The following FAM13A variants were observed in gnomAD, a reference collection of about 807,000 sequenced individuals.
FAM13A encodes protein FAM13A.
A neutral mutation model predicts 129.6 loss-of-function variants in FAM13A; 76 were observed. The observed-to-expected ratio is 0.59, with a 90% CI of 0.49 to 0.71. FAM13A has a LOEUF of 0.71. FAM13A is among the 30% of genes least tolerant of loss of function. The pLI is 0.00. For missense variants in FAM13A, 1,108 were observed against 1,249.3 expected (o/e 0.89, Z 1.70); for synonymous variants, 443 against 449.9 (o/e 0.98, Z 0.20).
At chr4:88,971,690 T>G (rs1387147109) in intron 4 of FAM13A, among the ~76,000 whole-genome samples, 1 of 152,078 alleles carries the variant, frequency 6.6e-6, no homozygotes, top group Non-Finnish European at 1.5e-5. Flanking sequence ...TTCTTTACTT[T>G]TAAGAGACAG....
At chr4:88,960,022 G>C (rs751161147) in intron 4 of FAM13A, among the ~76,000 whole-genome samples, 1 of 152,170 alleles carries the variant, frequency 6.6e-6, no homozygotes, top group Non-Finnish European at 1.5e-5. Context: ...CTTTGAGAAT[G>C]ACTTTTCAAA....
intron 6 of FAM13A, among the ~76,000 whole-genome samples, chr4:88,871,806 T>TA (rs1227881960): frequency 2.6e-5 from 4 of 152,104 alleles, no homozygotes; most frequent in Admixed American, 2.6e-4. Context: ...ACCACAAAGA[T>TA]ACTCCTCAAG....
chr4:88,984,166 C>A (rs1245981886), intron 4 of FAM13A, among the ~76,000 whole-genome samples: 1 of 152,098 alleles, frequency 6.6e-6, no homozygotes, highest in Admixed American at 6.6e-5. Context: ...GCTCCATAGA[C>A]CTAAACATAA....
chr4:88,991,648 T>A (rs1280630445), intron 3 of FAM13A, among the ~76,000 whole-genome samples: 1 of 152,208 alleles, frequency 6.6e-6, no homozygotes, highest in Non-Finnish European at 1.5e-5. Flanking sequence ...AGGATTCTTT[T>A]GAATAAAATT....
chr4:88,883,256 C>T (rs745638904), intron 6 of FAM13A, among the ~76,000 whole-genome samples: 66 of 151,828 alleles, frequency 4.3e-4, no homozygotes, highest in African/African-American at 1.3e-3. Context: ...ATAGACCACA[C>T]GATAAGCCAC....
intron 19 of FAM13A, among the ~76,000 whole-genome samples, chr4:88,742,036 G>A (rs879592385): frequency 2.8e-4 from 42 of 152,188 alleles, no homozygotes; most frequent in Non-Finnish European, 5.4e-4. Context: ...ATGTCAGCAC[G>A]TGACACATGG....
intron 3 of FAM13A, among the ~76,000 whole-genome samples, chr4:89,019,366 AAAAATAATAAAAT>A (rs1766939946): frequency 6.6e-6 from 1 of 152,164 alleles, no homozygotes; most frequent in African/African-American, 2.4e-5. Context: ...CTAATTTGGG[AAAAATAATAAAAT>A]AAATGGTTTT....
intron 4 of FAM13A, among the ~76,000 whole-genome samples, chr4:88,954,334 CAA>C (rs770164069): frequency 1.3e-5 from 2 of 152,120 alleles, no homozygotes; most frequent in Admixed American, 6.5e-5. Flanking sequence ...TGCTACTGTC[CAA>C]AAAGAGTTAG....
chr4:88,801,607 T>C (rs1727464826), intron 8 of FAM13A, among the ~76,000 whole-genome samples: 1 of 152,202 alleles, frequency 6.6e-6, no homozygotes, highest in Non-Finnish European at 1.5e-5. Context: ...AAGTTTCAGA[T>C]GCCAGGTGAG....
intron 10 of FAM13A, among the ~76,000 whole-genome samples, chr4:88,786,110 G>A (rs1209710446): frequency 6.6e-6 from 1 of 152,112 alleles, no homozygotes; most frequent in Admixed American, 6.6e-5. Flanking sequence ...AAATTCTTCA[G>A]GAGAGGTGAG....
rs1578954794 is a variant in FAM13A at position 88,851,203 on chromosome 4, G to A, written c.844-20C>T. 6.5e-7 allele frequency: 1 copy of A among 1,538,238 alleles called. No homozygotes were observed. The highest frequency in any genetic ancestry group is 8.8e-7 in the Non-Finnish European group (1 of 1,135,826). ...TGGGATCTAGAAGAAAAAAAAAAGA[G>A]GGGTGGGGGAGAGCTAGATAAATGT... On this transcript the variant is annotated intron_variant, in intron 6 of 23. Transcript: ENST00000264344.
chr4:88,901,448 C>T (rs1343039955), intron 6 of FAM13A, among the ~76,000 whole-genome samples: 1 of 152,088 alleles, frequency 6.6e-6, no homozygotes, highest in African/African-American at 2.4e-5. Flanking sequence ...TCTTTCAGAC[C>T]ACAGTGCAAT....
chr4:88,955,496 G>A (rs781016596), intron 4 of FAM13A, among the ~76,000 whole-genome samples: 19 of 152,118 alleles, frequency 1.2e-4, no homozygotes, highest in Non-Finnish European at 1.5e-4. Context: ...ACCGGGTAGT[G>A]GAGCGCTGCT....
intron 5 of FAM13A, among the ~76,000 whole-genome samples, chr4:88,930,399 C>T (rs1445181392): frequency 6.6e-6 from 1 of 152,038 alleles, no homozygotes; most frequent in East Asian, 1.9e-4. Flanking sequence ...CATACTTTGG[C>T]TTTGATTTTG....
intron 14 of FAM13A, among the ~76,000 whole-genome samples, chr4:88,757,428 T>C (rs952627881): frequency 5.3e-5 from 8 of 152,164 alleles, no homozygotes; most frequent in Non-Finnish European, 7.3e-5. Flanking sequence ...GTGACTACTA[T>C]GGGACTTTTT....
intron 8 of FAM13A, among the ~76,000 whole-genome samples, chr4:88,797,018 G>T (rs1278388703): frequency 6.6e-6 from 1 of 151,940 alleles, no homozygotes. Flanking sequence ...AAAACCTCTT[G>T]ACACCTGCTT....
At chr4:89,036,015 A>G (rs1414948884) in intron 1 of FAM13A, among the ~76,000 whole-genome samples, 4 of 152,218 alleles carry the variant, frequency 2.6e-5, no homozygotes, top group Non-Finnish European at 5.9e-5. Flanking sequence ...TAATACAGCA[A>G]ATGTGGTACC....
intron 6 of FAM13A, among the ~76,000 whole-genome samples, chr4:88,874,797 G>A (rs990962022): frequency 2.6e-5 from 4 of 152,116 alleles, no homozygotes; most frequent in Non-Finnish European, 5.9e-5. Context: ...CTACTTTAAA[G>A]TTCATATGGA....
intron 4 of FAM13A, among the ~76,000 whole-genome samples, chr4:88,939,978 G>A (rs1221011197): frequency 6.6e-6 from 1 of 152,160 alleles, no homozygotes; most frequent in Non-Finnish European, 1.5e-5. Context: ...CTGTGAATTT[G>A]GCACAGTAAG....
Sources: allele counts gnomAD v4.1 joint callset (sites outside exome capture counted in the v4.1 genomes callset), GRCh38; gene constraint gnomAD v4.1.1; transcripts MANE v1.5; gene names NCBI Gene and HGNC (gene_info 2026-07-23, HGNC 2026-07-21).